The following DAB1 variants were observed in gnomAD, a reference collection of about 807,000 sequenced individuals.
DAB1 encodes the protein DAB adaptor protein 1.
In DAB1, 15 loss-of-function variants were observed where a neutral mutation model predicts 64.6. That is an observed-to-expected ratio of 0.23 (90% CI 0.16 to 0.36). DAB1 has a LOEUF of 0.36. DAB1 is among the 10% of genes least tolerant of loss of function. DAB1 has a pLI of 1.00. For synonymous variants in DAB1, 235 were observed against 251.9 expected (o/e 0.93, Z 0.64); for missense variants, 596 against 706.7 (o/e 0.84, Z 1.78).
At chr1:57,611,531 T>C (rs914013421) in intron 7 of DAB1, among the ~76,000 whole-genome samples, 3 of 152,206 alleles carry the variant, frequency 2.0e-5, no homozygotes, top group Admixed American at 6.5e-5. Context: ...ATCTCTCTAG[T>C]GTTGCAGGAC....
At chr1:58,427,587 CTGCTGGATTTTGGG>C (rs1644833563) in intron 3 of DAB1, among the ~76,000 whole-genome samples, 1 of 152,188 alleles carries the variant, frequency 6.6e-6, no homozygotes, top group African/African-American at 2.4e-5. Context: ...CCAGCAGTAT[CTGCTGGATTTTGGG>C]TGTGAAAAGA....
At position 57,594,738 on chromosome 1, in the gene DAB1, T is replaced by A. The variant is rs151140867; in HGVS notation, n.625+54854A>T. Among the ~76,000 whole-genome samples the A allele has an allele frequency of 8.7e-3, 1,329 of 152,226 alleles. 31 individuals are homozygous for A. The highest frequency in any genetic ancestry group is 0.044 in the Admixed American group (680 of 15,294). ...TTTATTTATTTATTTAGAGACAGAG[T>A]CTTGCTCTGTCACCCAGGCCGGAGT... On this transcript the variant is annotated intron_variant and non_coding_transcript_variant, in intron 7 of 20. Coordinates refer to the DAB1 transcript ENST00000485760.
intron 2 of DAB1, among the ~76,000 whole-genome samples, chr1:57,254,656 GT>G: frequency 6.6e-6 from 1 of 152,234 alleles, no homozygotes; most frequent in East Asian, 1.9e-4. Flanking sequence ...CATCATGTTG[GT>G]TGGCTCCAGT....
At chr1:57,856,329 A>T (rs779639992) in intron 1 of DAB1, among the ~76,000 whole-genome samples, 1 of 152,202 alleles carries the variant, frequency 6.6e-6, no homozygotes, top group African/African-American at 2.4e-5. Context: ...GATGGGCTGC[A>T]ATCCCTGTAT....
At chr1:57,518,070 T>TA (rs2101371419) in intron 7 of DAB1, among the ~76,000 whole-genome samples, 1 of 152,328 alleles carries the variant, frequency 6.6e-6, no homozygotes, top group African/African-American at 2.4e-5. Flanking sequence ...TTGACTCCTT[T>TA]ATATCTTGAT....
chr1:57,808,390 C>G (rs1426201165), intron 6 of DAB1, among the ~76,000 whole-genome samples: 3 of 152,148 alleles, frequency 2.0e-5, no homozygotes, highest in South Asian at 2.1e-4. Flanking sequence ...CTAGTCAACC[C>G]TCAACTGATA....
chr1:57,446,354 T>C (rs1047995458), intron 7 of DAB1, among the ~76,000 whole-genome samples: 3 of 152,094 alleles, frequency 2.0e-5, no homozygotes, highest in Non-Finnish European at 4.4e-5. Context: ...TCCCAGCACT[T>C]TGGGAGGCTG....
chr1:57,926,320 A>G (rs1202761), intron 5 of DAB1, among the ~76,000 whole-genome samples: 1 of 152,070 alleles, frequency 6.6e-6, no homozygotes, highest in African/African-American at 2.4e-5. Context: ...GTTCCCTTTC[A>G]TTTGTAACAG....
chr1:58,292,527 A>G (rs937276231), intron 4 of DAB1, among the ~76,000 whole-genome samples: 17 of 152,192 alleles, frequency 1.1e-4, no homozygotes, highest in African/African-American at 2.4e-5. Flanking sequence ...CAATGTGTTC[A>G]TATCTAGTGA....
intron 5 of DAB1, among the ~76,000 whole-genome samples, chr1:58,032,308 GC>G (rs1646983904): frequency 6.6e-6 from 1 of 152,088 alleles, no homozygotes; most frequent in South Asian, 2.1e-4. Context: ...TAATCCTCAG[GC>G]ACAGTGTATG....
At chr1:58,543,605 C>G (rs1041100839) in intron 1 of DAB1, among the ~76,000 whole-genome samples, 2 of 152,124 alleles carry the variant, frequency 1.3e-5, no homozygotes, top group Admixed American at 6.5e-5. Context: ...AAATGCAAAC[C>G]CTGGCAACAG....
At chr1:58,156,310 C>CA (rs1164108908) in intron 4 of DAB1, among the ~76,000 whole-genome samples, 7 of 152,170 alleles carry the variant, frequency 4.6e-5, no homozygotes, top group Admixed American at 6.5e-5. Flanking sequence ...TCAGAGGTAG[C>CA]AAAAAAAGTA....
chr1:57,537,330 A>G (rs1165152845), intron 7 of DAB1, among the ~76,000 whole-genome samples: 1 of 152,152 alleles, frequency 6.6e-6, no homozygotes, highest in Admixed American at 6.5e-5. Flanking sequence ...CTGAATTATT[A>G]GGTTCTTATG....
At chr1:58,362,126 T>C (rs1644173419) in intron 3 of DAB1, among the ~76,000 whole-genome samples, 1 of 152,114 alleles carries the variant, frequency 6.6e-6, no homozygotes, top group Non-Finnish European at 1.5e-5. Context: ...CATGGAATGT[T>C]AAATCAGTAC....
At position 58,331,231 on chromosome 1, in the gene DAB1, A is replaced by G. The variant is rs556664780; in HGVS notation, n.309+12121T>C. 3.3e-5 allele frequency among the ~76,000 whole-genome samples: 5 copies of G among 152,352 alleles called. No individual in the cohort carries two copies. The South Asian group carries it at 6.2e-4, about 19-fold the overall frequency. ...AGCTGCAGATGTGATGGAAATTACCAGAAAACTAGAATTAGAAGTGGACCC... is the reference window on the plus strand; with the variant it reads ...AGCTGCAGATGTGATGGAAATTACCGGAAAACTAGAATTAGAAGTGGACCC... On this transcript the variant is annotated intron_variant and non_coding_transcript_variant, in intron 4 of 20. Coordinates refer to the DAB1 transcript ENST00000485760.
chr1:57,588,750 T>C (rs148730732), intron 7 of DAB1, among the ~76,000 whole-genome samples: 258 of 152,198 alleles, frequency 1.7e-3, no homozygotes, highest in Admixed American at 2.3e-3. Flanking sequence ...AAGAACAGAA[T>C]TGAAAGGCCA....
chr1:58,399,266 C>T lies in DAB1; in HGVS notation n.258-55863G>A, dbSNP rs116877693. On this transcript the variant is annotated intron_variant and non_coding_transcript_variant, in intron 3 of 20. Transcript: ENST00000485760. ...TCCTCTGTGACCTTTCCCTGACAAT[C>T]TTGTGAAGCAGGCAGAACACAGATT... Among the ~76,000 whole-genome samples, 85 of 152,304 alleles carry T rather than the reference C, an allele frequency of 5.6e-4. No homozygotes were observed. In the East Asian group the frequency reaches 0.011, roughly 19 times the overall value.
At chr1:58,306,768 T>C (rs1662318626) in intron 4 of DAB1, among the ~76,000 whole-genome samples, 1 of 152,218 alleles carries the variant, frequency 6.6e-6, no homozygotes, top group Admixed American at 6.5e-5. Context: ...CAGGCCCACC[T>C]TGTCTGCAGC....
intron 7 of DAB1, among the ~76,000 whole-genome samples, chr1:57,442,888 A>G (rs1258072837): frequency 6.6e-6 from 1 of 152,210 alleles, no homozygotes; most frequent in Non-Finnish European, 1.5e-5. Context: ...TTTGTAGTAG[A>G]TACATCATTC....
Sources: gnomAD v4.1 joint callset for allele counts (sites outside exome capture counted in the v4.1 genomes callset) on GRCh38, gnomAD v4.1.1 for gene constraint, MANE v1.5 for transcripts, NCBI Gene and HGNC (gene_info 2026-07-23, HGNC 2026-07-21) for gene names.